Variants in TTLL11 observed in about 807,000 individuals in gnomAD.
TTLL11 encodes tubulin tyrosine ligase like 11, also known as tubulin polyglutamylase TTLL11.
In TTLL11, 42 loss-of-function variants were observed where a neutral mutation model predicts 51.7. That is an observed-to-expected ratio of 0.81 (90% CI 0.64 to 1.05). The LOEUF is 1.05. Ranked by LOEUF, TTLL11 falls within the 50% of genes least tolerant of loss-of-function variation. The probability of loss-of-function intolerance (pLI) is 0.00; values close to 1 mark genes in which losing one functional copy is unlikely to be tolerated. For missense variants in TTLL11, 799 were observed against 940.4 expected (o/e 0.85, Z 1.97); for synonymous variants, 381 against 383.5 (o/e 0.99, Z 0.08).
intron 5 of TTLL11, among the ~76,000 whole-genome samples, chr9:121,974,478 AT>A (rs140786949): frequency 8.5e-4 from 130 of 152,286 alleles, no homozygotes; most frequent in African/African-American, 3.0e-3. Context: ...TTTTAAATGC[AT>A]TTTTTGGGGG....
intron 6 of TTLL11, among the ~76,000 whole-genome samples, chr9:121,965,036 G>A (rs73551467): frequency 0.024 from 3,726 of 152,140 alleles, 142 homozygotes; most frequent in African/African-American, 0.081. Context: ...ATAAACACTC[G>A]AGATAAATAA....
At chr9:121,832,809 A>AGTGGG (rs1837060013) in intron 8 of TTLL11, among the ~76,000 whole-genome samples, 1 of 152,180 alleles carries the variant, frequency 6.6e-6, no homozygotes, top group Admixed American at 6.5e-5. Context: ...GCATGGTGGC[A>AGTGGG]CGCACCTGAA....
chr9:122,057,322 C>CT (rs58226814), intron 1 of TTLL11, among the ~76,000 whole-genome samples: 351 of 128,146 alleles, frequency 2.7e-3, no homozygotes, highest in East Asian at 7.3e-3. Context: ...AGCTCAAATC[C>CT]TTTTTTTTTT....
chr9:121,840,220 C>T (rs1837309132), intron 8 of TTLL11, among the ~76,000 whole-genome samples: 3 of 152,194 alleles, frequency 2.0e-5, no homozygotes, highest in East Asian at 3.9e-4. Context: ...TTAGGGCAAC[C>T]GCAAGAGAAG....
intron 6 of TTLL11, among the ~76,000 whole-genome samples, chr9:121,912,310 T>C (rs758565223): frequency 5.3e-5 from 8 of 152,114 alleles, no homozygotes; most frequent in Non-Finnish European, 1.0e-4. Context: ...TGAGGAAACA[T>C]CCAGAACACT....
intron 7 of TTLL11, among the ~76,000 whole-genome samples, chr9:121,861,216 G>A (rs1837998097): frequency 1.3e-5 from 2 of 151,918 alleles, no homozygotes; most frequent in African/African-American, 4.8e-5. Context: ...TGTCCCCTGA[G>A]TAGCTGGGAT....
chr9:122,092,917 T>G lies in TTLL11; in HGVS notation c.232A>C (p.Thr78Pro), dbSNP rs757848631. Residue 78 changes from threonine to proline, a missense_variant, in exon 1 of 9, where the codon ACC (threonine) becomes CCC (proline). Around this residue, in one of 3 missense-constraint regions of TTLL11, gnomAD observed 166 missense variants for 161.6 expected, o/e 1.03. Coordinates refer to ENST00000321582, the MANE Select transcript of TTLL11 (RefSeq NM_001139442.2). ...AQPSAAEEGN[T>P]QVLQRPPPTL... The stretch of plus-strand genomic sequence containing the variant: ...GGCGGCGGCCGCTGAAGGACCTGGG[T>G]GTTCCCCTCCTCAGCCGCACTGGGC... 1.0e-5 allele frequency: 16 copies of G among 1,578,060 alleles called. No homozygotes were observed. The Admixed American group carries it at 2.4e-4, about 24-fold the overall frequency.
intron 8 of TTLL11, among the ~76,000 whole-genome samples, chr9:121,841,719 T>C (rs1319598623): frequency 6.6e-6 from 1 of 151,952 alleles, no homozygotes; most frequent in Non-Finnish European, 1.5e-5. Flanking sequence ...AGCCCAATGA[T>C]TATTATCGTT....
chr9:122,031,591 T>G (rs952031269), intron 3 of TTLL11, 132 bp downstream of exon 3: 58 of 1,062,594 alleles, frequency 5.5e-5, no homozygotes, highest in Non-Finnish European at 6.8e-5. Flanking sequence ...CAACACCTAC[T>G]GTGTACTGTT....
intron 8 of TTLL11, among the ~76,000 whole-genome samples, chr9:121,827,742 TGG>T (rs1025895019): frequency 2.0e-5 from 3 of 150,288 alleles, no homozygotes; most frequent in Non-Finnish European, 4.4e-5. Context: ...CAGGAAACGG[TGG>T]TCAGACCCAG....
Position 121,993,456 on chromosome 9 carries a change from T to G in TTLL11, c.694-3686A>C, listed in dbSNP as rs375213268. Among the ~76,000 whole-genome samples the G allele has an allele frequency of 8.4e-4, 128 of 152,378 alleles. 1 individual carries two copies. Among genetic ancestry groups the G allele is most frequent in the African/African-American group, 2.9e-3 (120 of 41,592 alleles). ...ACCTCGAGAAAGTCACCTAACTTTC[T>G]GGGCTTTGTTGTAGTCACCTATAAA... On this transcript the variant is annotated intron_variant, in intron 3 of 8. Coordinates refer to ENST00000321582, the MANE Select transcript of TTLL11 (RefSeq NM_001139442.2).
intron 6 of TTLL11, among the ~76,000 whole-genome samples, chr9:121,963,291 A>T (rs1354627540): frequency 1.3e-5 from 2 of 152,088 alleles, no homozygotes; most frequent in African/African-American, 4.8e-5. Context: ...AAGAAACTGA[A>T]CTCCAGAAAG....
chr9:122,039,821 C>T (rs1033003855), intron 1 of TTLL11, among the ~76,000 whole-genome samples: 2 of 151,860 alleles, frequency 1.3e-5, no homozygotes, highest in African/African-American at 2.4e-5. Flanking sequence ...AACCCTCAAC[C>T]GAGCCCAAAA....
At chr9:121,985,513 C>CTTT (rs71371908) in intron 4 of TTLL11, among the ~76,000 whole-genome samples, 22 of 97,268 alleles carry the variant, frequency 2.3e-4, no homozygotes, top group South Asian at 9.4e-4. Flanking sequence ...ATTTTCTTTT[C>CTTT]TTTTTTTTTT....
At chr9:121,895,538 T>A (rs1329386486) in intron 6 of TTLL11, among the ~76,000 whole-genome samples, 1 of 151,388 alleles carries the variant, frequency 6.6e-6, no homozygotes, top group African/African-American at 2.4e-5. Context: ...TGTGACTGTG[T>A]GTTTCGTTGT....
intron 3 of TTLL11, among the ~76,000 whole-genome samples, chr9:122,020,798 G>A (rs542608065): frequency 2.0e-4 from 30 of 152,304 alleles, no homozygotes; most frequent in Non-Finnish European, 3.2e-4. Flanking sequence ...ACAATGAGAA[G>A]GTGACCAGCT....
chr9:121,860,148 G>A (rs757790392), intron 8 of TTLL11, among the ~76,000 whole-genome samples, 189 bp downstream of exon 8: 17 of 152,198 alleles, frequency 1.1e-4, no homozygotes, highest in Non-Finnish European at 1.9e-4. Context: ...GAATGCTAAC[G>A]GTGGTATGAG....
At chr9:122,044,475 A>C (rs1210108833) in intron 1 of TTLL11, among the ~76,000 whole-genome samples, 2 of 152,230 alleles carry the variant, frequency 1.3e-5, no homozygotes, top group African/African-American at 2.4e-5. Context: ...AGTCCCACCA[A>C]CAGTATAAAA....
At chr9:122,052,735 G>A (rs1282352441) in intron 1 of TTLL11, among the ~76,000 whole-genome samples, 1 of 152,188 alleles carries the variant, frequency 6.6e-6, no homozygotes, top group African/African-American at 2.4e-5. Context: ...GGGTATTAAA[G>A]CCATGTGAGT....
Sources: gnomAD v4.1 joint callset for allele counts (sites outside exome capture counted in the v4.1 genomes callset) on GRCh38, gnomAD v4.1.1 for gene constraint, gnomAD v4.1.1 regional missense constraint, MANE v1.5 for transcripts, NCBI Gene and HGNC (gene_info 2026-07-23, HGNC 2026-07-21) for gene names.